Variants in ITSN1 observed in about 807,000 individuals in gnomAD.
ITSN1 encodes intersectin 1, also known as intersectin-1.
A neutral mutation model predicts 239.8 loss-of-function variants in ITSN1; 58 were observed. The ratio of observed to expected loss-of-function variants is 0.24; its 90% CI spans 0.20 to 0.30. The LOEUF (loss-of-function observed/expected upper bound fraction) is 0.30, where lower values mean the gene tolerates loss of function less well. Among genes scored for constraint, ITSN1 ranks in the 10% least tolerant of loss-of-function variants. ITSN1 has a pLI of 1.00. For synonymous variants in ITSN1, 780 were observed against 770.8 expected (o/e 1.01, Z -0.20); for missense variants, 1,558 against 2,103.3 (o/e 0.74, Z 5.07).
chr21:33,800,984 C>A (rs1413359591), intron 19 of ITSN1, among the ~76,000 whole-genome samples: 1 of 149,818 alleles, frequency 6.7e-6, no homozygotes, highest in African/African-American at 2.4e-5. Flanking sequence ...GATTCTCCCA[C>A]CTCATCCTCC....
At chr21:33,804,344 G>C (rs1388780078) in intron 20 of ITSN1, among the ~76,000 whole-genome samples, 1 of 152,126 alleles carries the variant, frequency 6.6e-6, no homozygotes, top group Non-Finnish European at 1.5e-5. Context: ...GTGGTACCTT[G>C]TATATAGCAC....
At chr21:33,693,633 AG>A (rs1187855310) in intron 1 of ITSN1, among the ~76,000 whole-genome samples, 5 of 152,170 alleles carry the variant, frequency 3.3e-5, no homozygotes, top group Admixed American at 6.5e-5. Flanking sequence ...CTGGGACTAC[AG>A]GCGTGAGCCA....
chr21:33,830,601 A>G (rs539843611), intron 27 of ITSN1, among the ~76,000 whole-genome samples: 1 of 152,228 alleles, frequency 6.6e-6, no homozygotes, highest in African/African-American at 2.4e-5. Flanking sequence ...AGGGGGCTAA[A>G]GAGGCGTGAG....
chr21:33,759,461 T>C (rs2068142522), intron 8 of ITSN1, among the ~76,000 whole-genome samples: 1 of 152,250 alleles, frequency 6.6e-6, no homozygotes, highest in African/African-American at 2.4e-5. Flanking sequence ...GATAAAATAT[T>C]AACTTCCTTT....
At chr21:33,807,830 G>A (rs1465967274) in intron 20 of ITSN1, among the ~76,000 whole-genome samples, 1 of 152,200 alleles carries the variant, frequency 6.6e-6, no homozygotes, top group African/African-American at 2.4e-5. Flanking sequence ...GGACCAGGCA[G>A]TTAGAGCAGG....
intron 33 of ITSN1, among the ~76,000 whole-genome samples, chr21:33,870,117 G>A (rs1982456935): frequency 6.6e-6 from 1 of 152,108 alleles, no homozygotes. Context: ...CATCTCCTCA[G>A]TCCAGCCCCA....
chr21:33,868,548 C>T (rs1003035080), intron 33 of ITSN1, among the ~76,000 whole-genome samples: 2 of 152,226 alleles, frequency 1.3e-5, no homozygotes, highest in South Asian at 2.1e-4. Flanking sequence ...CCCTCCGCAG[C>T]CGCTGGCCCG....
chr21:33,868,346 G>C (rs532918537), intron 33 of ITSN1, among the ~76,000 whole-genome samples: 7 of 152,254 alleles, frequency 4.6e-5, no homozygotes, highest in Non-Finnish European at 1.0e-4. Context: ...TGGTCGATGG[G>C]ACTGGGCGCC....
chr21:33,836,507 G>C lies in ITSN1; in HGVS notation c.3536G>C (p.Gly1179Ala). ...GACGATGAGCTGGCCTTCAACAAGG[G>C]CCAGATCATCAACGTCCTCAACAAG... Reference protein sequence around the residue: ...QNDDELAFNKGQIINVLNKED... With the variant: ...QNDDELAFNKAQIINVLNKED... The change falls in exon 29 of 40, where the codon GGC (glycine) becomes GCC (alanine). Residue 1179 changes from glycine to alanine, a missense_variant. Around this residue, in one of 2 missense-constraint regions of ITSN1, gnomAD observed 576 missense variants for 893.3 expected, o/e 0.64. Coordinates refer to ENST00000381318, the MANE Select transcript of ITSN1 (RefSeq NM_003024.3). The C allele has an allele frequency of 6.2e-7, 1 of 1,614,132 alleles. No individual in the cohort carries two copies. Among genetic ancestry groups the C allele is most frequent in the Non-Finnish European group, 8.5e-7 (1 of 1,179,984 alleles).
chr21:33,663,866 G>A (rs2089739988), intron 1 of ITSN1, among the ~76,000 whole-genome samples: 1 of 152,210 alleles, frequency 6.6e-6, no homozygotes, highest in Admixed American at 6.5e-5. Context: ...CTCCCAAAGT[G>A]CTAGGATTAC....
chr21:33,849,065 AC>A (rs1362029692), intron 29 of ITSN1, among the ~76,000 whole-genome samples: 1 of 152,008 alleles, frequency 6.6e-6, no homozygotes, highest in African/African-American at 2.4e-5. Context: ...ACATGGTGAA[AC>A]CCCGTCTCTA....
chr21:33,799,013 C>A (rs955578400), intron 18 of ITSN1, among the ~76,000 whole-genome samples: 1 of 152,038 alleles, frequency 6.6e-6, no homozygotes. Flanking sequence ...GCATGTCATA[C>A]AGTTCAAAAT....
chr21:33,823,581 C>T lies in ITSN1; in HGVS notation c.3111C>T (p.Asp1037=). Reference sequence around the variant, plus strand: ...TTTTGGTTACCAAGAAAGATGGTGACTGGTGGACAGGAACAGTGGGCGACA... The same window carrying T: ...TTTTGGTTACCAAGAAAGATGGTGATTGGTGGACAGGAACAGTGGGCGACA... ...DVILVTKKDG[D]WWTGTVGDKA... Residue 1037 remains aspartate (D), a synonymous_variant, in exon 25 of 40, where the codon GAC becomes GAT. Coordinates refer to ENST00000381318, the MANE Select transcript of ITSN1 (RefSeq NM_003024.3). 6.2e-7 allele frequency: 1 copy of T among 1,614,184 alleles called. No homozygotes were observed. The highest frequency in any genetic ancestry group is 8.5e-7 in the Non-Finnish European group (1 of 1,180,008).
Position 33,750,226 on chromosome 21 carries a change from C to G in ITSN1, c.430C>G (p.Pro144Ala). Residue 144 changes from proline (P) to alanine (A), a missense_variant, in exon 6 of 40, where the codon CCA (proline) becomes GCA (alanine). By Grantham distance (27) the Pro-to-Ala change is conservative. Around this residue, in one of 2 missense-constraint regions of ITSN1, gnomAD observed 982 missense variants for 1,209.9 expected, o/e 0.81. Transcript: ENST00000381318. The stretch of plus-strand genomic sequence containing the variant: ...ATCCATTCCAGTTGTTGGAATGTCT[C>G]CAACCCTAGTATCTTCTGTTCCCAC... ...MGSIPVVGMS[P>A]TLVSSVPTAA... The G allele has an allele frequency of 6.2e-7, 1 of 1,614,146 alleles. No homozygotes were observed. The highest frequency in any genetic ancestry group is 1.1e-5 in the South Asian group (1 of 91,080).
At chr21:33,875,663 G>A in intron 34 of ITSN1, 142 bp downstream of exon 34, 1 of 722,230 alleles carries the variant, frequency 1.4e-6, no homozygotes, top group Non-Finnish European at 2.3e-6. Flanking sequence ...CTCATCTGCT[G>A]TTTCATCCAC....
chr21:33,732,425 T>TG (rs967136059), intron 4 of ITSN1, among the ~76,000 whole-genome samples: 9 of 152,176 alleles, frequency 5.9e-5, no homozygotes, highest in African/African-American at 1.9e-4. Context: ...ATTCAGATGG[T>TG]GGGGGGCTCA....
intron 1 of ITSN1, among the ~76,000 whole-genome samples, chr21:33,701,387 A>G (rs2092004081): frequency 6.6e-6 from 1 of 152,096 alleles, no homozygotes. Context: ...GGCCTCCAAA[A>G]GTGCTGGGAT....
chr21:33,772,137 G>A lies in ITSN1; in HGVS notation c.1119G>A (p.Leu373=). Reference sequence around the variant, plus strand: ...TGGAGAAACGAAGGCAAGCTCTCCTGGAACAGCAGCGCAAGGAGCAGGAGC... The same window carrying A: ...TGGAGAAACGAAGGCAAGCTCTCCTAGAACAGCAGCGCAAGGAGCAGGAGC... ...LELEKRRQAL[L]EQQRKEQERL... is the part of the protein sequence containing the mutation. The change falls in exon 12 of 40, where the codon CTG becomes CTA. Residue 373 remains leucine (L), a synonymous_variant. Transcript: ENST00000381318. 1.9e-6 allele frequency: 3 copies of A among 1,614,238 alleles called. No homozygotes were observed. The highest frequency in any genetic ancestry group is 2.5e-6 in the Non-Finnish European group (3 of 1,180,042).
chr21:33,707,555 TCTC>T (rs2092290687), intron 1 of ITSN1, among the ~76,000 whole-genome samples: 1 of 152,352 alleles, frequency 6.6e-6, no homozygotes, highest in African/African-American at 2.4e-5. Context: ...TGTCCTTTCT[TCTC>T]CTCCCATCTT....
Sources: gnomAD v4.1 joint callset for allele counts (sites outside exome capture counted in the v4.1 genomes callset) on GRCh38, gnomAD v4.1.1 for gene constraint, gnomAD v4.1.1 regional missense constraint, MANE v1.5 for transcripts, NCBI Gene and HGNC (gene_info 2026-07-23, HGNC 2026-07-21) for gene names.